The following GRM5 variants were observed in gnomAD, a reference collection of about 807,000 sequenced individuals.
GRM5 encodes the protein metabotropic glutamate receptor 5.
A neutral mutation model predicts 83.1 loss-of-function variants in GRM5; 19 were observed. The observed-to-expected ratio is 0.23, with a 90% CI of 0.16 to 0.34. The LOEUF (loss-of-function observed/expected upper bound fraction) is 0.34, where lower values mean the gene tolerates loss of function less well. GRM5 is among the 10% of genes least tolerant of loss of function. GRM5 has a pLI of 1.00. For missense variants in GRM5, 1,160 were observed against 1,588.3 expected (o/e 0.73, Z 4.58); for synonymous variants, 675 against 633.6 (o/e 1.07, Z -0.98).
chr11:88,514,995 A>G (rs539633946), intron 9 of GRM5, among the ~76,000 whole-genome samples: 1 of 152,152 alleles, frequency 6.6e-6, no homozygotes, highest in Non-Finnish European at 1.5e-5. Context: ...CTTACCAGGC[A>G]TTTAATCCCT....
At chr11:88,724,882 G>A (rs1241326350) in intron 3 of GRM5, among the ~76,000 whole-genome samples, 2 of 152,084 alleles carry the variant, frequency 1.3e-5, no homozygotes, top group South Asian at 2.1e-4. Context: ...CAGATACTAT[G>A]CTTTTGACAA....
chr11:88,733,442 G>C (rs1367563674), intron 3 of GRM5, among the ~76,000 whole-genome samples: 1 of 151,978 alleles, frequency 6.6e-6, no homozygotes, highest in African/African-American at 2.4e-5. Flanking sequence ...CTCAGACTAT[G>C]CATTGTGAGG....
chr11:88,886,985 A>G (rs945913996), intron 2 of GRM5, among the ~76,000 whole-genome samples: 1 of 152,140 alleles, frequency 6.6e-6, no homozygotes, highest in Non-Finnish European at 1.5e-5. Flanking sequence ...TTTCAAGGCC[A>G]ACAGCCCCAC....
At chr11:88,967,164 C>A (rs978150741) in intron 2 of GRM5, among the ~76,000 whole-genome samples, 2 of 150,976 alleles carry the variant, frequency 1.3e-5, no homozygotes, top group African/African-American at 4.9e-5. Flanking sequence ...CCTTAATAGC[C>A]ACAATTTACC....
At chr11:88,884,223 A>C (rs1945006078) in intron 2 of GRM5, among the ~76,000 whole-genome samples, 1 of 152,136 alleles carries the variant, frequency 6.6e-6, no homozygotes, top group Admixed American at 6.6e-5. Context: ...ATAGGAACCC[A>C]CCTCTTGCAT....
At chr11:89,040,709 A>G (rs189433821) in intron 2 of GRM5, among the ~76,000 whole-genome samples, 1 of 152,128 alleles carries the variant, frequency 6.6e-6, no homozygotes, top group African/African-American at 2.4e-5. Context: ...TCAAAGAATA[A>G]AAAAGAGAGA....
At chr11:88,810,045 G>A (rs960541745) in intron 3 of GRM5, among the ~76,000 whole-genome samples, 1 of 152,044 alleles carries the variant, frequency 6.6e-6, no homozygotes, top group Non-Finnish European at 1.5e-5. Context: ...ACTGAGGACA[G>A]GAACTGGGAA....
At chr11:88,997,687 A>G (rs1328250664) in intron 2 of GRM5, among the ~76,000 whole-genome samples, 1 of 152,052 alleles carries the variant, frequency 6.6e-6, no homozygotes, top group African/African-American at 2.4e-5. Context: ...ACAAACACAT[A>G]CTTGAAAACT....
In GRM5 at chr11:88,910,109, C is replaced by T. The variant is rs1244815999; in HGVS notation, c.662-59954G>A. Among the ~76,000 whole-genome samples the T allele has an allele frequency of 2.6e-5, 4 of 152,068 alleles. No homozygotes were observed. In the East Asian group the frequency reaches 7.7e-4, roughly 29 times the overall value. ...TCCCCAGTCCCTGGTAGTCTTTACTCTACTTTCTACCTCCATCAACGTATC... is the reference window on the plus strand; with the variant it reads ...TCCCCAGTCCCTGGTAGTCTTTACTTTACTTTCTACCTCCATCAACGTATC... On this transcript the variant is annotated intron_variant, in intron 2 of 9. Coordinates refer to ENST00000305447, the MANE Select transcript of GRM5 (RefSeq NM_001143831.3).
At chr11:88,950,217 C>CT (rs756926012) in intron 2 of GRM5, among the ~76,000 whole-genome samples, 1 of 151,974 alleles carries the variant, frequency 6.6e-6, no homozygotes, top group East Asian at 1.9e-4. Flanking sequence ...GGCAACTACT[C>CT]TTTATTATTT....
intron 3 of GRM5, among the ~76,000 whole-genome samples, chr11:88,718,542 G>C (rs992192607): frequency 6.6e-6 from 1 of 151,864 alleles, no homozygotes; most frequent in African/African-American, 2.4e-5. Flanking sequence ...AATCAAAAGA[G>C]GAGGAAACAT....
At position 88,509,253 on chromosome 11, in the gene GRM5, G is replaced by A. The variant is rs975314142; in HGVS notation, c.2978C>T (p.Pro993Leu). 16 of 1,489,280 alleles carry A rather than the reference G, an allele frequency of 1.1e-5. No individual in the cohort carries two copies. The highest frequency in any genetic ancestry group is 1.3e-5 in the Non-Finnish European group (15 of 1,123,046). 92.3% of individuals were successfully genotyped at this position (1,489,280 alleles called of 1,614,324 possible). ...AGAGPGGPES[P>L]DAGPKALYDV... is the part of the protein sequence containing the mutation. ...ATACAGCGCCTTGGGGCCGGCGTCT[G>A]GGGACTCGGGCCCGCCTGGGCCGGC... is the stretch of plus-strand genomic sequence containing the variant. The change falls in exon 10 of 10, where the codon CCA becomes CTA. Residue 993 changes from proline (P) to leucine (L), a missense_variant. Physicochemically the swap from Pro to Leu is moderately conservative, Grantham distance 98. Around this residue, in one of 9 missense-constraint regions of GRM5, gnomAD observed 562 missense variants for 532.4 expected, o/e 1.06. Coordinates refer to ENST00000305447, the MANE Select transcript of GRM5 (RefSeq NM_001143831.3).
chr11:89,038,101 T>C (rs1941435422), intron 2 of GRM5, among the ~76,000 whole-genome samples: 1 of 151,894 alleles, frequency 6.6e-6, no homozygotes, highest in Non-Finnish European at 1.5e-5. Context: ...ATCCACTATT[T>C]GAAAAAAAAG....
intron 7 of GRM5, among the ~76,000 whole-genome samples, chr11:88,569,103 C>G (rs934396619): frequency 6.6e-6 from 1 of 152,112 alleles, no homozygotes; most frequent in Non-Finnish European, 1.5e-5. Context: ...CATATTTACA[C>G]ACATATATAA....
chr11:89,016,427 T>C (rs1940857913), intron 2 of GRM5, among the ~76,000 whole-genome samples: 1 of 151,986 alleles, frequency 6.6e-6, no homozygotes, highest in African/African-American at 2.4e-5. Context: ...TATAAGGACT[T>C]TGAATAACAA....
At chr11:89,026,003 TA>T (rs369993591) in intron 2 of GRM5, among the ~76,000 whole-genome samples, 107 of 152,238 alleles carry the variant, frequency 7.0e-4, no homozygotes, top group Middle Eastern at 3.4e-3. Flanking sequence ...TACACAGCCA[TA>T]AAAAAAGCAA....
At chr11:88,705,405 G>A (rs1484459045) in intron 3 of GRM5, among the ~76,000 whole-genome samples, 1 of 152,064 alleles carries the variant, frequency 6.6e-6, no homozygotes, top group East Asian at 1.9e-4. Context: ...CTGGCTTTAG[G>A]ATTCAGTCAC....
intron 3 of GRM5, among the ~76,000 whole-genome samples, chr11:88,660,413 A>G (rs887889283): frequency 1.3e-5 from 2 of 152,204 alleles, no homozygotes; most frequent in Non-Finnish European, 2.9e-5. Context: ...GATTTTCACT[A>G]GTTGAACTCT....
chr11:89,013,717 GAAATGTC>G (rs1940772647), intron 2 of GRM5, among the ~76,000 whole-genome samples: 1 of 152,174 alleles, frequency 6.6e-6, no homozygotes, highest in South Asian at 2.1e-4. Flanking sequence ...GAGGTTCAGG[GAAATGTC>G]ATTTCTACTG....
Sources: allele counts gnomAD v4.1 joint callset (sites outside exome capture counted in the v4.1 genomes callset), GRCh38; gene constraint gnomAD v4.1.1; regional missense constraint gnomAD v4.1.1; transcripts MANE v1.5; gene names NCBI Gene and HGNC (gene_info 2026-07-23, HGNC 2026-07-21).